ODC1: variants seen among roughly 807,000 people sequenced by gnomAD.
The protein encoded by ODC1 is ornithine decarboxylase 1.
In ODC1, 18 loss-of-function variants were observed where a neutral mutation model predicts 41.5. The ratio of observed to expected loss-of-function variants is 0.43; its 90% confidence interval spans 0.30 to 0.64. ODC1 has a LOEUF of 0.64. Ranked by LOEUF, ODC1 falls within the 30% of genes least tolerant of loss-of-function variation. The probability of loss-of-function intolerance (pLI) is 0.11; values close to 1 mark genes in which losing one functional copy is unlikely to be tolerated. For synonymous variants in ODC1, 218 were observed against 211.6 expected (o/e 1.03, Z -0.26); for missense variants, 504 against 589.0 (o/e 0.86, Z 1.49).
In ODC1 at chr2:10,440,204, G is replaced by A. The variant is rs1671774996; in HGVS notation, c.*520C>T. On this transcript the variant is annotated 3_prime_UTR_variant, in exon 12 of 12. Coordinates refer to ENST00000234111, the MANE Select transcript of ODC1 (RefSeq NM_002539.3). Reference sequence around the variant, plus strand: ...GGACAAGGAGTTTGCAGCCAACTCTGGACATGTGGGGTGGGCTGAGCAGAT... The same window carrying A: ...GGACAAGGAGTTTGCAGCCAACTCTAGACATGTGGGGTGGGCTGAGCAGAT... The A allele has an allele frequency of 6.5e-6, 1 of 153,136 alleles. No homozygotes were observed. The highest frequency in any genetic ancestry group is 1.5e-5 in the Non-Finnish European group (1 of 68,736). The allele number at this position is 153,136 out of a possible 1,614,324, so 9.5% of individuals were successfully genotyped here.
In ODC1 at chr2:10,443,711, A is replaced by G. The variant is rs1301787958; in HGVS notation, c.575T>C (p.Val192Ala). 1.9e-6 allele frequency: 3 copies of G among 1,614,134 alleles called. No homozygotes were observed. The highest frequency in any genetic ancestry group is 2.2e-5 in the South Asian group (2 of 91,078). The change falls in exon 6 of 12, where the codon GTT (valine) becomes GCT (alanine). Residue 192 changes from valine (V) to alanine (A), a missense_variant. By Grantham distance (64) the Val-to-Ala change is moderately conservative. Coordinates refer to ENST00000234111, the MANE Select transcript of ODC1 (RefSeq NM_002539.3). ...ERAKELNIDV[V>A]GVSFHVGSGC... ...CCCACCAAAATCTCACCTGACACCAACAACATCGATATTTAGCTCTTTCGC... is the reference window on the plus strand; with the variant it reads ...CCCACCAAAATCTCACCTGACACCAGCAACATCGATATTTAGCTCTTTCGC...
Position 10,444,082 on chromosome 2 carries a change from G to T in ODC1, c.449+13C>A. The T allele has an allele frequency of 6.4e-7, 1 of 1,572,328 alleles. No homozygotes were observed. ...TGCTCCCGATCTTGCCCTCAGATGGGGGAATAACTCACTTTGCTTTGGGAT... is the reference window on the plus strand; with the variant it reads ...TGCTCCCGATCTTGCCCTCAGATGGTGGAATAACTCACTTTGCTTTGGGAT... On this transcript the variant is annotated intron_variant, in intron 5 of 11. Coordinates refer to ENST00000234111, the MANE Select transcript of ODC1 (RefSeq NM_002539.3).
chr2:10,440,903 A>C, intron 11 of ODC1, 35 bp from the exon 12 acceptor site: 1 of 1,611,876 alleles, frequency 6.2e-7, no homozygotes, highest in Non-Finnish European at 8.5e-7. Context: ...AAAAACCCTG[A>C]CTCACTCCTA....
At chr2:10,445,798 G>C (rs1038222738) in intron 1 of ODC1, among the ~76,000 whole-genome samples, 1 of 152,014 alleles carries the variant, frequency 6.6e-6, no homozygotes, top group Non-Finnish European at 1.5e-5. Flanking sequence ...ACCATGCCCG[G>C]CTAATTTTTG....
rs760789535 is a variant in ODC1, at chr2:10,444,080, G to C, written c.449+15C>G. On this transcript the variant is annotated intron_variant, in intron 5 of 11. Transcript: ENST00000234111. ...TATGCTCCCGATCTTGCCCTCAGAT[G>C]GGGGAATAACTCACTTTGCTTTGGG... 4.5e-6 allele frequency: 7 copies of C among 1,568,036 alleles called. No homozygotes were observed. In the East Asian group the frequency reaches 1.4e-4, roughly 30 times the overall value.
intron 8 of ODC1, 55 bp from the exon 9 acceptor site, chr2:10,442,229 G>C: frequency 6.5e-7 from 1 of 1,532,662 alleles, no homozygotes; most frequent in Non-Finnish European, 8.8e-7. Flanking sequence ...AAATTCACAT[G>C]GGGGAGTAAC....
rs144020639 is a variant in ODC1, at chr2:10,441,541, C to A, written c.1209G>T (p.Pro403=). ...GCCCTGACATCACATAGTAGATCGT[C>A]GGCCTCTGGAAGCCATTGAACGTAG... ...AASTFNGFQR[P]TIYYVMSGPA... is the part of the protein sequence containing the mutation. The change falls in exon 11 of 12, where the codon CCG becomes CCT. Residue 403 remains proline, a synonymous_variant. Transcript: ENST00000234111. 1 of 1,614,126 alleles carries A rather than the reference C, an allele frequency of 6.2e-7. No homozygotes were observed. The highest frequency in any genetic ancestry group is 8.5e-7 in the Non-Finnish European group (1 of 1,180,014).
At chr2:10,441,034 G>A (rs959680956) in intron 11 of ODC1, among the ~76,000 whole-genome samples, 166 bp from the exon 12 acceptor site, 1 of 151,646 alleles carries the variant, frequency 6.6e-6, no homozygotes, top group East Asian at 1.9e-4. Flanking sequence ...ATAGCTCACC[G>A]CAGCCTCAAC....
In ODC1 at chr2:10,442,181, G is replaced by A. The variant is rs28362406; in HGVS notation, c.751-7C>T. On this transcript the variant is annotated splice_polypyrimidine_tract_variant and splice_region_variant and intron_variant, in intron 8 of 11. Coordinates refer to ENST00000234111, the MANE Select transcript of ODC1 (RefSeq NM_002539.3). ...GGTTGATTACGCCGGTGATCTAAGA[G>A]AGTGAAACAGAAAAGAAAGAGCAGC... 3 of 1,586,714 alleles carry A rather than the reference G, an allele frequency of 1.9e-6. No homozygotes were observed. Among genetic ancestry groups the A allele is most frequent in the Admixed American group, 1.9e-5 (1 of 54,046 alleles).
Position 10,443,750 on chromosome 2 carries a change from A to G in ODC1, c.536T>C (p.Leu179Pro). 1 of 1,614,182 alleles carries G rather than the reference A, an allele frequency of 6.2e-7. No individual in the cohort carries two copies. The highest frequency in any genetic ancestry group is 8.5e-7 in the Non-Finnish European group (1 of 1,180,040). ...TAGCTCTTTCGCCCGTTCCAAAAGG[A>G]GCCTGCTGGTTCTGAGCGTGGCACC... ...KFGATLRTSRLLLERAKELNI... is the reference protein window; with the variant it reads ...KFGATLRTSRPLLERAKELNI... The change falls in exon 6 of 12, where the codon CTC (leucine) becomes CCC (proline). Residue 179 changes from leucine (L) to proline (P), a missense_variant. Leu to Pro is a moderately conservative substitution (Grantham distance 98, BLOSUM62 -3). Around this residue, in one of 3 missense-constraint regions of ODC1, gnomAD observed 447 missense variants for 524.4 expected, o/e 0.85. Transcript: ENST00000234111.
At chr2:10,444,382 T>A in intron 4 of ODC1, 92 bp downstream of exon 4, 1 of 1,512,084 alleles carries the variant, frequency 6.6e-7, no homozygotes, top group East Asian at 2.3e-5. Flanking sequence ...TAGTGAGCAT[T>A]TATTGCCCAA....
chr2:10,441,433 T>C, intron 11 of ODC1, 76 bp downstream of exon 11: 2 of 1,413,512 alleles, frequency 1.4e-6, no homozygotes, highest in Non-Finnish European at 1.9e-6. Context: ...CAATTTCTTA[T>C]TCGTCTAGAC....
intron 11 of ODC1, 92 bp from the exon 12 acceptor site, chr2:10,440,960 A>G: frequency 8.7e-7 from 1 of 1,143,682 alleles, no homozygotes; most frequent in Non-Finnish European, 1.2e-6. Context: ...AATTCAATGT[A>G]TTTTTTTTTT....
At position 10,443,517 on chromosome 2, in the gene ODC1, A is replaced by G. The variant is rs773974304; in HGVS notation, c.639T>C (p.Ser213=). Residue 213 remains serine (S), a synonymous_variant, in exon 7 of 12, where the codon TCT becomes TCC. Coordinates refer to ENST00000234111, the MANE Select transcript of ODC1 (RefSeq NM_002539.3). Reference sequence around the variant, plus strand: ...CCATGTCAAAAACACAGCGGGCATCAGAGATTGCCTGCACGAAGGTCTCAG... The same window carrying G: ...CCATGTCAAAAACACAGCGGGCATCGGAGATTGCCTGCACGAAGGTCTCAG... ...TDPETFVQAI[S]DARCVFDMGA... is the part of the protein sequence containing the mutation. 4 of 1,613,972 alleles carry G rather than the reference A, an allele frequency of 2.5e-6. No individual in the cohort carries two copies. In the South Asian group the frequency reaches 4.4e-5, roughly 18 times the overall value.
intron 1 of ODC1, chr2:10,447,644 A>C (rs1294377665): frequency 6.6e-6 from 1 of 152,270 alleles, no homozygotes; most frequent in Non-Finnish European, 1.5e-5. Flanking sequence ...GGGTTTCCAA[A>C]TTGGTGTCAT....
chr2:10,444,078 A>G lies in ODC1; in HGVS notation c.449+17T>C. Reference sequence around the variant, plus strand: ...CTTATGCTCCCGATCTTGCCCTCAGATGGGGGAATAACTCACTTTGCTTTG... The same window carrying G: ...CTTATGCTCCCGATCTTGCCCTCAGGTGGGGGAATAACTCACTTTGCTTTG... On this transcript the variant is annotated intron_variant, in intron 5 of 11. Transcript: ENST00000234111. 1 of 1,567,600 alleles carries G rather than the reference A, an allele frequency of 6.4e-7. No homozygotes were observed.
intron 6 of ODC1, 45 bp downstream of exon 6, chr2:10,443,655 CAA>C: frequency 6.2e-7 from 1 of 1,607,640 alleles, no homozygotes; most frequent in Non-Finnish European, 8.5e-7. Flanking sequence ...CTGTAAAACT[CAA>C]ACTGTTCAAT....
intron 1 of ODC1, chr2:10,447,534 G>C (rs1214746643): frequency 1.3e-5 from 2 of 152,188 alleles, no homozygotes; most frequent in African/African-American, 4.8e-5. Context: ...CGAAATCACC[G>C]AGTCATTCAC....
rs533268477 is a variant in ODC1, at chr2:10,440,247, G to A, written c.*477C>T. ...GAGCAGATGTGCACCGTCCACATGGGAGGATGGGGCTTCCGTCTCACCTGT... is the reference window on the plus strand; with the variant it reads ...GAGCAGATGTGCACCGTCCACATGGAAGGATGGGGCTTCCGTCTCACCTGT... On this transcript the variant is annotated 3_prime_UTR_variant, in exon 12 of 12. Transcript: ENST00000234111. 1 of 156,434 alleles carries A rather than the reference G, an allele frequency of 6.4e-6. No individual in the cohort carries two copies. The highest frequency in any genetic ancestry group is 1.9e-4 in the South Asian group (1 of 5,198). 9.7% of individuals were successfully genotyped at this position (156,434 alleles called of 1,614,324 possible).
Sources: allele counts gnomAD v4.1 joint callset (sites outside exome capture counted in the v4.1 genomes callset), GRCh38; gene constraint gnomAD v4.1.1; regional missense constraint gnomAD v4.1.1; transcripts MANE v1.5; gene names NCBI Gene and HGNC (gene_info 2026-07-23, HGNC 2026-07-21).